The following SV2C variants were observed in gnomAD, a reference collection of about 807,000 sequenced individuals.
The protein encoded by SV2C is solute carrier family 22 member B3.
Under a neutral mutation model 79.7 loss-of-function variants are expected in SV2C, and 49 were observed. The ratio of observed to expected loss-of-function variants is 0.61; its 90% confidence interval spans 0.49 to 0.78. The LOEUF is 0.78. Among genes scored for constraint, SV2C ranks in the 30% least tolerant of loss-of-function variants. The pLI, the probability that SV2C is intolerant of heterozygous loss-of-function variation, is 0.00. For missense variants in SV2C, 833 were observed against 912.9 expected, an observed-to-expected ratio of 0.91 and a Z score of 1.13; for synonymous variants, 334 against 333.2, an observed-to-expected ratio of 1.00 and a Z score of -0.03.
chr5:75,983,025 T>G, the SV2C span, among the ~76,000 whole-genome samples: 1 of 152,128 alleles, frequency 6.6e-6, no homozygotes, highest in Non-Finnish European at 1.5e-5. Context: ...GGTACTAGGC[T>G]TAATATTTGG....
chr5:75,893,198 T>C, the SV2C span, among the ~76,000 whole-genome samples: 11 of 151,548 alleles, frequency 7.3e-5, no homozygotes, highest in South Asian at 2.1e-3. Flanking sequence ...TTTTTTGATA[T>C]TTTTTTGGCC....
Position 76,288,040 on chromosome 5 carries a change from G to A in SV2C, c.1137+2170G>A, listed in dbSNP as rs556807046. 1.2e-3 allele frequency among the ~76,000 whole-genome samples: 176 copies of A among 150,112 alleles called. 1 individual carries two copies. Among genetic ancestry groups the A allele is most frequent in the Admixed American group, 1.7e-3 (25 of 15,006 alleles). ...GCGGAGATTGCAGTGAGCCAAGATC[G>A]TGCCTCTGCACTCTAGCCTGGCAAC... On this transcript the variant is annotated intron_variant, in intron 6 of 12. Transcript: ENST00000502798.
At chr5:75,906,824 C>A in the SV2C span, among the ~76,000 whole-genome samples, 2 of 152,044 alleles carry the variant, frequency 1.3e-5, no homozygotes, top group Admixed American at 6.6e-5. Context: ...AATTTTGCAC[C>A]CCACCCCCAT....
Position 76,300,814 on chromosome 5 carries a change from T to G in SV2C, c.1722T>G (p.Asp574Glu), listed in dbSNP as rs551054716. The G allele has an allele frequency of 5.6e-6, 9 of 1,614,206 alleles. No homozygotes were observed. In the South Asian group the frequency reaches 9.9e-5, roughly 18 times the overall value. ...HNKTGCQITFDDDYSAYWIYF... is the reference protein window; with the variant it reads ...HNKTGCQITFEDDYSAYWIYF... ...AGACGGGATGTCAGATTACCTTTGA[T>G]GATGACTATAGTGCCTACTGGATTT... Residue 574 changes from aspartate to glutamate, a missense_variant, in exon 11 of 13, where the codon GAT (aspartate) becomes GAG (glutamate). Physicochemically the swap from Asp to Glu is conservative, Grantham distance 45 (BLOSUM62 2). Coordinates refer to ENST00000502798, the MANE Select transcript of SV2C (RefSeq NM_014979.4).
At chr5:75,901,000 A>G in the SV2C span, among the ~76,000 whole-genome samples, 16 of 152,182 alleles carry the variant, frequency 1.1e-4, no homozygotes, top group African/African-American at 3.9e-4. Flanking sequence ...ACTTTTTTCA[A>G]AGTTTTTAAC....
At chr5:75,949,378 G>C in the SV2C span, among the ~76,000 whole-genome samples, 1 of 143,660 alleles carries the variant, frequency 7.0e-6, no homozygotes, top group African/African-American at 2.4e-5. Context: ...TATTCAAGCT[G>C]TTATATTAAC....
the SV2C span, among the ~76,000 whole-genome samples, chr5:75,974,981 C>T: frequency 2.0e-5 from 3 of 152,140 alleles, no homozygotes; most frequent in Non-Finnish European, 4.4e-5. Context: ...TAATAGTCTG[C>T]TCCTACAGCC....
At position 76,120,346 on chromosome 5, in the gene SV2C, T is replaced by C. The variant is rs1181274108; in HGVS notation, c.-101-11304T>C. 2.0e-5 allele frequency among the ~76,000 whole-genome samples: 3 copies of C among 152,014 alleles called. No individual in the cohort carries two copies. The East Asian group carries it at 5.8e-4, about 29-fold the overall frequency. Reference sequence around the variant, plus strand: ...TTTTGTTTTTTGTTTTGAAAATTGTTCTTTTTTTCTTTTTCTCTTTTTTTA... The same window carrying C: ...TTTTGTTTTTTGTTTTGAAAATTGTCCTTTTTTTCTTTTTCTCTTTTTTTA... On this transcript the variant is annotated intron_variant, in intron 1 of 12. Coordinates refer to ENST00000502798, the MANE Select transcript of SV2C (RefSeq NM_014979.4).
the SV2C span, among the ~76,000 whole-genome samples, chr5:75,935,466 AT>A: frequency 9.7e-4 from 148 of 152,284 alleles, no homozygotes; most frequent in African/African-American, 3.4e-3. Flanking sequence ...ACGCACAGTG[AT>A]TTTTTTACAA....
intron 2 of SV2C, among the ~76,000 whole-genome samples, chr5:76,143,202 C>T (rs1308693610): frequency 6.6e-6 from 1 of 151,892 alleles, no homozygotes; most frequent in Non-Finnish European, 1.5e-5. Flanking sequence ...CTGGCCTCTT[C>T]AATTTTTTCT....
At chr5:76,079,798 CA>C, upstream of SV2C, 1 of 213,560 alleles carries the variant, frequency 4.7e-6, no homozygotes. Context: ...ACAGGTGCTG[CA>C]AATGGCCTTT....
the SV2C span, among the ~76,000 whole-genome samples, chr5:76,041,552 T>C: frequency 9.2e-5 from 14 of 152,134 alleles, no homozygotes; most frequent in Admixed American, 9.2e-4. Flanking sequence ...GGCAAGGAAT[T>C]CTGGGATCCC....
At chr5:76,302,888 A>G (rs191864971) in intron 12 of SV2C, among the ~76,000 whole-genome samples, 2 of 152,280 alleles carry the variant, frequency 1.3e-5, no homozygotes, top group East Asian at 1.9e-4. Context: ...GAAATGTAGG[A>G]GAGTTTTTTC....
downstream of SV2C, among the ~76,000 whole-genome samples, chr5:76,336,711 C>T (rs1749337116): frequency 6.6e-6 from 1 of 152,276 alleles, no homozygotes; most frequent in Middle Eastern, 3.4e-3. Context: ...GCCAACACAG[C>T]GAAACCCCGT....
chr5:75,967,244 C>G, the SV2C span, among the ~76,000 whole-genome samples: 1 of 152,044 alleles, frequency 6.6e-6, no homozygotes, highest in African/African-American at 2.4e-5. Flanking sequence ...CAGTCCACAG[C>G]TGACACAGAA....
At chr5:75,981,312 A>G in the SV2C span, among the ~76,000 whole-genome samples, 1 of 152,244 alleles carries the variant, frequency 6.6e-6, no homozygotes, top group Non-Finnish European at 1.5e-5. Context: ...TTATAGTGTC[A>G]GTGTTCTTCC....
chr5:76,031,339 A>G, the SV2C span, among the ~76,000 whole-genome samples: 1 of 152,236 alleles, frequency 6.6e-6, no homozygotes. Context: ...GACCCTGCCA[A>G]TAATGGCATC....
At chr5:75,920,647 T>TGGGGGGGG in the SV2C span, 1 of 487,920 alleles carries the variant, frequency 2.0e-6, no homozygotes, top group Non-Finnish European at 3.7e-6. Flanking sequence ...TGGTGGGGGG[T>TGGGGGGGG]GGGTGGGAGG....
At chr5:76,171,358 T>G in intron 2 of SV2C, among the ~76,000 whole-genome samples, 1 of 48,634 alleles carries the variant, frequency 2.1e-5, no homozygotes, top group African/African-American at 7.7e-5. Context: ...CGGCCGCCCA[T>G]CGTCTGAGAT....
Sources: gnomAD v4.1 joint callset for allele counts (sites outside exome capture counted in the v4.1 genomes callset) on GRCh38, gnomAD v4.1.1 for gene constraint, MANE v1.5 for transcripts, NCBI Gene and HGNC (gene_info 2026-07-23, HGNC 2026-07-21) for gene names.